The following LRCH1 variants were observed in gnomAD, a reference collection of about 807,000 sequenced individuals.
LRCH1 encodes the protein leucine rich repeats and calponin homology domain containing 1.
Under a neutral mutation model 94.9 loss-of-function variants are expected in LRCH1, and 23 were observed. The ratio of observed to expected loss-of-function variants is 0.24; its 90% CI spans 0.17 to 0.34. The LOEUF (loss-of-function observed/expected upper bound fraction) is 0.34, where lower values mean the gene tolerates loss of function less well. LRCH1 is among the 10% of genes least tolerant of loss of function. The probability of loss-of-function intolerance (pLI) is 1.00; values close to 1 mark genes in which losing one functional copy is unlikely to be tolerated. For missense variants in LRCH1, 790 were observed against 945.9 expected (o/e 0.84, Z 2.16); for synonymous variants, 364 against 354.9 (o/e 1.03, Z -0.29).
chr13:46,726,115 AAAGG>A (rs1872803623), intron 17 of LRCH1, among the ~76,000 whole-genome samples: 1 of 152,198 alleles, frequency 6.6e-6, no homozygotes, highest in Non-Finnish European at 1.5e-5. Context: ...GATTCAGTTA[AAAGG>A]GGCTTTTGTT....
chr13:46,553,357 C>A lies in LRCH1; in HGVS notation c.-40C>A, dbSNP rs755268686. The A allele has an allele frequency of 6.7e-6, 10 of 1,494,560 alleles. No homozygotes were observed. Among genetic ancestry groups the A allele is most frequent in the East Asian group, 2.5e-5 (1 of 40,678 alleles). 92.6% of individuals were successfully genotyped at this position (1,494,560 alleles called of 1,614,324 possible). ...CTCGCGGGGAACGCTGTGACCCCCC[C>A]GCAGGAGCGGCGGGGCGGGGTGGGG... On this transcript the variant is annotated 5_prime_UTR_variant, in exon 1 of 20. Coordinates refer to ENST00000389797, the MANE Select transcript of LRCH1 (RefSeq NM_001164211.2).
chr13:46,648,184 G>A (rs923371653), intron 1 of LRCH1, among the ~76,000 whole-genome samples: 3 of 152,262 alleles, frequency 2.0e-5, no homozygotes, highest in Middle Eastern at 6.8e-3. Flanking sequence ...CAAGGAGCAC[G>A]CAACCTAGGT....
In LRCH1 at chr13:46,673,211, C is replaced by T. The variant is rs112043836; in HGVS notation, c.579+4055C>T. Among the ~76,000 whole-genome samples the T allele has an allele frequency of 4.8e-3, 730 of 152,178 alleles. 12 individuals are homozygous for T. Among genetic ancestry groups the T allele is most frequent in the African/African-American group, 0.017 (708 of 41,524 alleles). On this transcript the variant is annotated intron_variant, in intron 3 of 19. Transcript: ENST00000389797. ...ATCACAGGTTGGACTGGCCACATTTCTGGTGTTCAGTGGCCACCCTCCTGG... is the reference window on the plus strand; with the variant it reads ...ATCACAGGTTGGACTGGCCACATTTTTGGTGTTCAGTGGCCACCCTCCTGG...
chr13:46,556,492 C>T (rs886891510), intron 1 of LRCH1, among the ~76,000 whole-genome samples: 2 of 152,086 alleles, frequency 1.3e-5, no homozygotes, highest in African/African-American at 4.8e-5. Context: ...GACTGATCCA[C>T]GCAGGTGCAG....
chr13:46,554,275 G>A (rs960035574), intron 1 of LRCH1, among the ~76,000 whole-genome samples: 1 of 152,272 alleles, frequency 6.6e-6, no homozygotes, highest in Non-Finnish European at 1.5e-5. Context: ...GAGCGATCGG[G>A]CAACTCGGTG....
intron 3 of LRCH1, among the ~76,000 whole-genome samples, chr13:46,670,992 C>T (rs1400881861): frequency 3.3e-5 from 5 of 152,162 alleles, no homozygotes; most frequent in African/African-American, 7.2e-5. Context: ...TAGATTTAGG[C>T]CACAGGCAAC....
At chr13:46,613,282 C>CG (rs1205302546) in intron 1 of LRCH1, among the ~76,000 whole-genome samples, 5 of 151,430 alleles carry the variant, frequency 3.3e-5, no homozygotes, top group Non-Finnish European at 7.4e-5. Flanking sequence ...CCCAGCTGCT[C>CG]GGGAGGCTGA....
At chr13:46,728,806 A>T in intron 17 of LRCH1, 41 bp from the exon 18 acceptor site, 3 of 1,557,900 alleles carry the variant, frequency 1.9e-6, no homozygotes, top group Non-Finnish European at 2.6e-6. Flanking sequence ...CAGTTACCTC[A>T]GTGTTCATAT....
At chr13:46,607,750 A>G (rs1014058631) in intron 1 of LRCH1, among the ~76,000 whole-genome samples, 2 of 152,002 alleles carry the variant, frequency 1.3e-5, no homozygotes, top group Admixed American at 6.5e-5. Flanking sequence ...ACATCTTAGG[A>G]AGATGACTGT....
intron 2 of LRCH1, among the ~76,000 whole-genome samples, chr13:46,664,368 C>T (rs1392320171): frequency 6.6e-6 from 1 of 152,194 alleles, no homozygotes; most frequent in Non-Finnish European, 1.5e-5. Context: ...GTTGTAGCCA[C>T]ATCTTAACAT....
intron 1 of LRCH1, among the ~76,000 whole-genome samples, chr13:46,573,835 A>G (rs1410807382): frequency 4.1e-5 from 4 of 96,902 alleles, no homozygotes; most frequent in Non-Finnish European, 8.8e-5. Context: ...CAACAGGGTG[A>G]CTATAGTCAA....
intron 1 of LRCH1, among the ~76,000 whole-genome samples, chr13:46,615,835 G>A (rs2050801656): frequency 6.6e-6 from 1 of 152,150 alleles, no homozygotes; most frequent in Non-Finnish European, 1.5e-5. Context: ...ATTATGAATA[G>A]TTTGATGGAA....
intron 6 of LRCH1, 114 bp downstream of exon 6, chr13:46,688,093 C>T: frequency 1.9e-6 from 2 of 1,033,316 alleles, no homozygotes; most frequent in Non-Finnish European, 1.3e-6. Context: ...CTGCAGAAAA[C>T]AAAGCAAAAC....
intron 19 of LRCH1, among the ~76,000 whole-genome samples, chr13:46,735,809 T>TTTTTTTTTTTTTTTC (rs1566257882): frequency 1.5e-5 from 2 of 137,672 alleles, no homozygotes; most frequent in African/African-American, 2.7e-5. Context: ...TTTTTTTTTT[T>TTTTTTTTTTTTTTTC]CGAGATGGAG....
At position 46,610,479 on chromosome 13, in the gene LRCH1, CT is replaced by C. The variant is rs908044702; in HGVS notation, c.308-39715del. On this transcript the variant is annotated intron_variant, in intron 1 of 19. Transcript: ENST00000389797. The stretch of plus-strand genomic sequence containing the variant: ...AAATCTTCCTCCTGAAAGATAATAT[CT>C]TTTTTTCCTTTTTTTTTTTTTAATT... 9.5e-5 allele frequency among the ~76,000 whole-genome samples: 14 copies of C among 147,670 alleles called. No homozygotes were observed. The East Asian group carries it at 1.2e-3, about 12-fold the overall frequency.
At chr13:46,659,646 G>A (rs1269219930) in intron 2 of LRCH1, among the ~76,000 whole-genome samples, 1 of 152,200 alleles carries the variant, frequency 6.6e-6, no homozygotes, top group African/African-American at 2.4e-5. Flanking sequence ...TTCAGATTGT[G>A]TGTCCTAAGA....
At chr13:46,700,115 C>A (rs1251496621) in intron 10 of LRCH1, among the ~76,000 whole-genome samples, 2 of 152,168 alleles carry the variant, frequency 1.3e-5, no homozygotes, top group Non-Finnish European at 2.9e-5. Context: ...GTGATCCCAT[C>A]AGACAATGAA....
chr13:46,577,752 A>G (rs528464668), intron 1 of LRCH1, among the ~76,000 whole-genome samples: 23 of 152,372 alleles, frequency 1.5e-4, no homozygotes, highest in African/African-American at 5.5e-4. Context: ...ACATAAGCAG[A>G]CAAGAAACAG....
At chr13:46,657,414 T>C (rs998535094) in intron 2 of LRCH1, among the ~76,000 whole-genome samples, 2 of 147,764 alleles carry the variant, frequency 1.4e-5, no homozygotes, top group Admixed American at 6.8e-5. Flanking sequence ...AACATACATA[T>C]ATGAAAGGTG....
Sources: gnomAD v4.1 joint callset for allele counts (sites outside exome capture counted in the v4.1 genomes callset) on GRCh38, gnomAD v4.1.1 for gene constraint, MANE v1.5 for transcripts, NCBI Gene and HGNC (gene_info 2026-07-23, HGNC 2026-07-21) for gene names.